Variants in ZMYM4 observed in about 807,000 individuals in gnomAD.
ZMYM4 encodes zinc finger MYM-type protein 4.
In ZMYM4, 31 loss-of-function variants were observed where a neutral mutation model predicts 183.2. The observed-to-expected ratio is 0.17, with a 90% CI of 0.13 to 0.23. The LOEUF (loss-of-function observed/expected upper bound fraction) is 0.23, where lower values mean the gene tolerates loss of function less well. Among genes scored for constraint, ZMYM4 ranks in the 10% least tolerant of loss-of-function variants. The pLI is 1.00. For missense variants in ZMYM4, 1,273 were observed against 1,840.3 expected, an observed-to-expected ratio of 0.69 and a Z score of 5.64; for synonymous variants, 592 against 631.2, an observed-to-expected ratio of 0.94 and a Z score of 0.93.
intron 1 of ZMYM4, among the ~76,000 whole-genome samples, chr1:35,308,270 G>A (rs1423707492): frequency 6.6e-6 from 1 of 152,172 alleles, no homozygotes; most frequent in African/African-American, 2.4e-5. Flanking sequence ...GGGATTACAG[G>A]CATGAGCCAC....
intron 2 of ZMYM4, among the ~76,000 whole-genome samples, chr1:35,337,685 C>G (rs975723626): frequency 4.6e-5 from 7 of 152,104 alleles, no homozygotes; most frequent in African/African-American, 1.2e-4. Context: ...TGGCTCACAC[C>G]TGTAATCCCA....
At chr1:35,337,872 G>A (rs1643041287) in intron 2 of ZMYM4, among the ~76,000 whole-genome samples, 1 of 152,182 alleles carries the variant, frequency 6.6e-6, no homozygotes. Flanking sequence ...TCAGGAGGTG[G>A]AGGTTGCAGT....
Position 35,296,847 on chromosome 1 carries a change from T to TTTTC in ZMYM4, c.39+27765_39+27766insCTTT, listed in dbSNP as rs1557939781. Among the ~76,000 whole-genome samples the TTTTC allele has an allele frequency of 1.1e-4, 10 of 93,578 alleles. No homozygotes were observed. In the East Asian group the frequency reaches 0.029, roughly 268 times the overall value. 61.4% of individuals were successfully genotyped at this position (93,578 alleles called of 152,430 possible). On this transcript the variant is annotated intron_variant, in intron 1 of 29. Coordinates refer to ENST00000314607, the MANE Select transcript of ZMYM4 (RefSeq NM_005095.3). ...TTTCTTTTTCTTTCTTTCTTTCTTT[T>TTTTC]TTTTTTTTTTTTTTTTTTGAGATGG...
chr1:35,404,358 G>A (rs1644964973), intron 23 of ZMYM4, among the ~76,000 whole-genome samples: 1 of 152,142 alleles, frequency 6.6e-6, no homozygotes, highest in Admixed American at 6.5e-5. Context: ...ATTGCACTTG[G>A]CCTTCCTTTT....
intron 2 of ZMYM4, among the ~76,000 whole-genome samples, chr1:35,344,395 G>A (rs574653144): frequency 6.6e-6 from 1 of 152,176 alleles, no homozygotes; most frequent in Non-Finnish European, 1.5e-5. Flanking sequence ...GTGGTGAGAG[G>A]AGAGATTTTT....
chr1:35,307,511 A>G (rs1219709913), intron 1 of ZMYM4, among the ~76,000 whole-genome samples: 1 of 149,866 alleles, frequency 6.7e-6, no homozygotes, highest in Non-Finnish European at 1.5e-5. Context: ...AAAAATTTTT[A>G]ATTATTTTTA....
At chr1:35,382,179 C>T (rs1366517969) in intron 9 of ZMYM4, among the ~76,000 whole-genome samples, 2 of 117,378 alleles carry the variant, frequency 1.7e-5, no homozygotes, top group Non-Finnish European at 3.2e-5. Flanking sequence ...TATATACACA[C>T]ATACACACAC....
rs140367443 is a variant in ZMYM4, at chr1:35,397,446, A to G, written c.3100A>G (p.Ile1034Val). The change falls in exon 20 of 30, where the codon ATT (isoleucine) becomes GTT (valine). Residue 1034 changes from isoleucine to valine, a missense_variant. By Grantham distance (29) the Ile-to-Val change is conservative (BLOSUM62 3). This residue lies in a region of ZMYM4 where 290 missense variants were observed against 353.3 expected (regional missense o/e 0.82). Coordinates refer to ENST00000314607, the MANE Select transcript of ZMYM4 (RefSeq NM_005095.3). ...TAAAGTCACAGAGAGTATTGAAGAC[A>G]TTAAAGAAAAGCTTCCCACACATCC... ...EDKVTESIED[I>V]KEKLPTHPFE... 18 of 1,613,420 alleles carry G rather than the reference A, an allele frequency of 1.1e-5. No homozygotes were observed. The African/African-American group carries it at 2.1e-4, about 19-fold the overall frequency.
At position 35,381,395 on chromosome 1, in the gene ZMYM4, A is replaced by G. The variant is rs757311706; in HGVS notation, c.1318A>G (p.Ile440Val). 5.6e-6 allele frequency: 9 copies of G among 1,610,308 alleles called. No homozygotes were observed. Among genetic ancestry groups the G allele is most frequent in the Non-Finnish European group, 7.6e-6 (9 of 1,177,796 alleles). Residue 440 changes from isoleucine (I) to valine (V), a missense_variant, in exon 8 of 30, where the codon ATT becomes GTT. Physicochemically the swap from Ile to Val is conservative, Grantham distance 29. Transcript: ENST00000314607. The stretch of plus-strand genomic sequence containing the variant: ...TATTGTTACCATAAATACAAATAGT[A>G]TTTCAACCAAATGCAGCATGTGTCA... ...KPIVTINTNSISTKCSMCQKN... is the reference protein window; with the variant it reads ...KPIVTINTNSVSTKCSMCQKN...
At chr1:35,342,479 T>C (rs986381236) in intron 2 of ZMYM4, among the ~76,000 whole-genome samples, 1 of 152,170 alleles carries the variant, frequency 6.6e-6, no homozygotes, top group Non-Finnish European at 1.5e-5. Flanking sequence ...CCCTGTCTTT[T>C]GAACTGTAAG....
intron 1 of ZMYM4, among the ~76,000 whole-genome samples, chr1:35,276,868 A>T (rs1022367138): frequency 6.6e-6 from 1 of 152,094 alleles, no homozygotes; most frequent in African/African-American, 2.4e-5. Flanking sequence ...CCGCCTCCCA[A>T]AGTGCTGGGA....
intron 1 of ZMYM4, among the ~76,000 whole-genome samples, chr1:35,273,401 A>G (rs1345421676): frequency 2.0e-5 from 3 of 152,196 alleles, no homozygotes; most frequent in Non-Finnish European, 4.4e-5. Flanking sequence ...AAATGATTGA[A>G]TTATTTATGC....
chr1:35,348,915 G>A (rs1570407426), intron 2 of ZMYM4, among the ~76,000 whole-genome samples: 1 of 152,204 alleles, frequency 6.6e-6, no homozygotes, highest in East Asian at 1.9e-4. Context: ...GGATGTGCAA[G>A]TGTCTTTACT....
At chr1:35,369,097 C>G (rs1045796826) in intron 5 of ZMYM4, among the ~76,000 whole-genome samples, 1 of 151,784 alleles carries the variant, frequency 6.6e-6, no homozygotes. Context: ...AGTAATGTGC[C>G]GACAACTCCC....
At chr1:35,377,420 G>T (rs1644358931) in intron 7 of ZMYM4, among the ~76,000 whole-genome samples, 1 of 152,174 alleles carries the variant, frequency 6.6e-6, no homozygotes, top group South Asian at 2.1e-4. Context: ...AATATTAGGT[G>T]CTCCTAACGA....
chr1:35,370,485 A>G lies in ZMYM4; in HGVS notation c.1039A>G (p.Ile347Val), dbSNP rs1301043396. 3 of 1,613,314 alleles carry G rather than the reference A, an allele frequency of 1.9e-6. No homozygotes were observed. Among genetic ancestry groups the G allele is most frequent in the Non-Finnish European group, 2.5e-6 (3 of 1,179,854 alleles). The change falls in exon 7 of 30, where the codon ATC becomes GTC. Residue 347 changes from isoleucine to valine, a missense_variant. Physicochemically the swap from Ile to Val is conservative, Grantham distance 29 (BLOSUM62 3). Around this residue, in one of 6 missense-constraint regions of ZMYM4, gnomAD observed 384 missense variants for 465.6 expected, o/e 0.82. Transcript: ENST00000314607. ...AGTTTCCTGTTCTGGTTGTAAAAAA[A>G]TCCTCCAGAAGGGGCAAACTGCTTA... ...VRVSCSGCKK[I>V]LQKGQTAYQR...
intron 19 of ZMYM4, 137 bp from the exon 20 acceptor site, chr1:35,397,240 A>T: frequency 8.9e-7 from 1 of 1,125,232 alleles, no homozygotes; most frequent in Non-Finnish European, 1.2e-6. Flanking sequence ...ACAAACTAGC[A>T]AGACTATTTT....
intron 13 of ZMYM4, among the ~76,000 whole-genome samples, chr1:35,388,167 C>T (rs1644620952): frequency 6.6e-6 from 1 of 152,136 alleles, no homozygotes; most frequent in Admixed American, 6.5e-5. Context: ...CACTGTGACC[C>T]AGTATATTTT....
intron 1 of ZMYM4, among the ~76,000 whole-genome samples, chr1:35,309,351 A>G (rs1641688535): frequency 6.6e-6 from 1 of 152,218 alleles, no homozygotes; most frequent in Non-Finnish European, 1.5e-5. Flanking sequence ...TATGTATTCA[A>G]CAAACACATA....
Sources: allele counts gnomAD v4.1 joint callset (sites outside exome capture counted in the v4.1 genomes callset), GRCh38; gene constraint gnomAD v4.1.1; regional missense constraint gnomAD v4.1.1; transcripts MANE v1.5; gene names NCBI Gene and HGNC (gene_info 2026-07-23, HGNC 2026-07-21).